The following USH2A variants were observed in gnomAD, a reference collection of about 807,000 sequenced individuals.
The protein encoded by USH2A is Usher syndrome 2A (autosomal recessive, mild).
USH2A carries 443 observed loss-of-function variants against 538.9 expected under a neutral mutation model. That is an observed-to-expected ratio of 0.82 (90% CI 0.76 to 0.89). The LOEUF (loss-of-function observed/expected upper bound fraction) is 0.89, where lower values mean the gene tolerates loss of function less well. Ranked by LOEUF, USH2A falls within the 40% of genes least tolerant of loss-of-function variation. The probability of loss-of-function intolerance (pLI) is 0.00; values close to 1 mark genes in which losing one functional copy is unlikely to be tolerated. For synonymous variants in USH2A, 2,413 were observed against 2,273.5 expected (o/e 1.06, Z -1.75); for missense variants, 6,633 against 6,324.8 (o/e 1.05, Z -1.65).
chr1:215,655,725 C>CTTTTTTTTTTGTTTTTTTTTTTTTTTTT (rs1657225195), intron 64 of USH2A, among the ~76,000 whole-genome samples: 1 of 96,172 alleles, frequency 1.0e-5, no homozygotes, highest in African/African-American at 3.9e-5. Context: ...GCTAGTTATT[C>CTTTTTTTTTTGTTTTTTTTTTTTTTTTT]TTTTTTTTTT....
chr1:215,877,763 A>G lies in USH2A; in HGVS notation c.8676T>C (p.Leu2892=), dbSNP rs2102450664. The part of the protein sequence containing the change: ...GTQWLYEDKG[L]SRFTTYEYML... The stretch of plus-strand genomic sequence containing the variant: ...TATAGTTTTTGTAATCTCACCTGCT[A>G]AGACCCTTATCTTCATAAAGCCACT... Residue 2892 remains leucine (L), a synonymous_variant, in exon 43 of 72, where the codon CTT becomes CTC. Coordinates refer to ENST00000307340, the MANE Select transcript of USH2A (RefSeq NM_206933.4). The G allele has an allele frequency of 1.2e-6, 2 of 1,613,724 alleles. No individual in the cohort carries two copies. The highest frequency in any genetic ancestry group is 1.7e-6 in the Non-Finnish European group (2 of 1,179,660).
intron 40 of USH2A, among the ~76,000 whole-genome samples, chr1:215,897,484 C>T (rs1345114439): frequency 1.3e-5 from 2 of 151,928 alleles, no homozygotes; most frequent in South Asian, 2.1e-4. Context: ...GTCAGGAGTT[C>T]GAGACCAGCC....
intron 3 of USH2A, among the ~76,000 whole-genome samples, chr1:216,380,177 C>A (rs2038902677): frequency 6.6e-6 from 1 of 151,976 alleles, no homozygotes; most frequent in African/African-American, 2.4e-5. Flanking sequence ...TTAGAAACAA[C>A]ATAAAAGAAG....
intron 61 of USH2A, among the ~76,000 whole-genome samples, chr1:215,693,118 A>ATGTG (rs1330054271): frequency 5.6e-5 from 6 of 107,074 alleles, no homozygotes; most frequent in African/African-American, 1.6e-4. Flanking sequence ...GTGTATGTGT[A>ATGTG]TATATATATA....
chr1:216,230,059 A>G (rs545122233), intron 14 of USH2A, among the ~76,000 whole-genome samples: 1 of 152,342 alleles, frequency 6.6e-6, no homozygotes, highest in South Asian at 2.1e-4. Flanking sequence ...GGGGATGAGT[A>G]GAACAAAAAT....
rs976260943 is a variant in USH2A at position 216,217,431 on chromosome 1, C to T, written c.3113G>A (p.Ser1038Asn). ...TGSKCDACVPSASHLDVNNLL... is the reference protein window; with the variant it reads ...TGSKCDACVPNASHLDVNNLL... ...ATTGTTGACATCCAAGTGGCTTGCA[C>T]TGGGAACACAAGCATCACACTTTGA... The change falls in exon 15 of 72, where the codon AGT becomes AAT. Residue 1038 changes from serine (S) to asparagine (N), a missense_variant. Coordinates refer to ENST00000307340, the MANE Select transcript of USH2A (RefSeq NM_206933.4). 3.7e-6 allele frequency: 6 copies of T among 1,613,246 alleles called. No homozygotes were observed. The highest frequency in any genetic ancestry group is 5.1e-6 in the Non-Finnish European group (6 of 1,179,472).
At chr1:215,989,683 T>G (rs1221570359) in intron 35 of USH2A, among the ~76,000 whole-genome samples, 3 of 151,920 alleles carry the variant, frequency 2.0e-5, no homozygotes, top group Non-Finnish European at 4.4e-5. Flanking sequence ...TGAGCAAGGT[T>G]TAAGGTGAAG....
intron 34 of USH2A, among the ~76,000 whole-genome samples, chr1:215,994,231 GT>G (rs1668081702): frequency 6.6e-6 from 1 of 152,084 alleles, no homozygotes; most frequent in Non-Finnish European, 1.5e-5. Flanking sequence ...TCATTTTTGT[GT>G]AAGACAGATA....
rs762491379 is a variant in USH2A, at chr1:215,674,703, C to A, written c.13208G>T (p.Gly4403Val). The A allele has an allele frequency of 6.2e-7, 1 of 1,614,046 alleles. No homozygotes were observed. The highest frequency in any genetic ancestry group is 1.3e-5 in the African/African-American group (1 of 75,038). Residue 4403 changes from glycine (G) to valine (V), a missense_variant, in exon 63 of 72, where the codon GGC becomes GTC. By Grantham distance (109) the Gly-to-Val change is moderately radical. Transcript: ENST00000307340. Reference protein sequence around the residue: ...YDNKESLAGQGLCLLVSHLQP... With the variant: ...YDNKESLAGQVLCLLVSHLQP... ...CAGGTGGGAAACCAGCAGGCACAGG[C>A]CCTGGCCAGCAAGGGACTCTTTATT...
rs542112959 is a variant in USH2A, at chr1:216,161,934, A to G, written c.4627+13318T>C. ...TCTTATTTTTGCTCCACTGAAGGTAATAAGTCTCCCCACCCTCCCCAGGTG... is the reference window on the plus strand; with the variant it reads ...TCTTATTTTTGCTCCACTGAAGGTAGTAAGTCTCCCCACCCTCCCCAGGTG... On this transcript the variant is annotated intron_variant, in intron 21 of 71. Coordinates refer to ENST00000307340, the MANE Select transcript of USH2A (RefSeq NM_206933.4). 3.3e-5 allele frequency among the ~76,000 whole-genome samples: 5 copies of G among 152,104 alleles called. No individual in the cohort carries two copies. The East Asian group carries it at 9.7e-4, about 29-fold the overall frequency.
intron 4 of USH2A, among the ~76,000 whole-genome samples, chr1:216,337,525 A>C (rs906185993): frequency 6.6e-6 from 1 of 151,446 alleles, no homozygotes; most frequent in Non-Finnish European, 1.5e-5. Flanking sequence ...CTAAACAATT[A>C]GGAATAGGTG....
chr1:216,045,275 C>T (rs12130077), intron 32 of USH2A, among the ~76,000 whole-genome samples: 58,859 of 151,942 alleles, frequency 0.39, 12,066 homozygotes, highest in Non-Finnish European at 0.47. Flanking sequence ...ATATGAAATA[C>T]AAAACCACTA....
intron 44 of USH2A, among the ~76,000 whole-genome samples, chr1:215,856,810 C>A (rs1485663086): frequency 6.7e-6 from 1 of 149,950 alleles, no homozygotes; most frequent in Non-Finnish European, 1.5e-5. Context: ...GCCCATCAAT[C>A]AATGAGTGGA....
At chr1:216,415,219 T>A (rs1307385557) in intron 3 of USH2A, among the ~76,000 whole-genome samples, 1 of 152,042 alleles carries the variant, frequency 6.6e-6, no homozygotes, top group Non-Finnish European at 1.5e-5. Flanking sequence ...TCCACTTACT[T>A]GTTTATGAAG....
intron 38 of USH2A, among the ~76,000 whole-genome samples, chr1:215,907,469 T>C (rs1187351699): frequency 6.6e-6 from 1 of 152,062 alleles, no homozygotes; most frequent in East Asian, 1.9e-4. Context: ...TCTTCTAGCC[T>C]TGTTAACTGA....
chr1:216,039,411 C>T (rs2030161308), intron 32 of USH2A, among the ~76,000 whole-genome samples: 1 of 151,902 alleles, frequency 6.6e-6, no homozygotes, highest in South Asian at 2.1e-4. Flanking sequence ...GGTATGACCT[C>T]GTTTGTAATA....
chr1:215,838,694 A>C (rs535759111), intron 46 of USH2A, among the ~76,000 whole-genome samples: 18 of 152,272 alleles, frequency 1.2e-4, no homozygotes, highest in African/African-American at 3.8e-4. Flanking sequence ...TCTGAATAAA[A>C]ACCGAGGAGG....
intron 11 of USH2A, among the ~76,000 whole-genome samples, chr1:216,264,480 TAG>T (rs2036434112): frequency 6.6e-6 from 1 of 152,084 alleles, no homozygotes; most frequent in Non-Finnish European, 1.5e-5. Context: ...GAATTTTTAG[TAG>T]AGACAGTCTT....
rs67957139 is a variant in USH2A, at chr1:216,323,276, T to TTATATA, written c.1550+192_1550+197dup. Among the ~76,000 whole-genome samples, 605 of 137,074 alleles carry TTATATA rather than the reference T, an allele frequency of 4.4e-3. 9 individuals carry two copies. The highest frequency in any genetic ancestry group is 0.014 in the African/African-American group (545 of 37,752). 89.9% of individuals were successfully genotyped at this position (137,074 alleles called of 152,430 possible). A position where few individuals can be genotyped will look rare whatever the true frequency, so the allele number is the denominator to read the frequency against. ...TATATATTTATTTATAAAATACGTT[T>TTATATA]TATATATATATATATATATATATAT... On this transcript the variant is annotated intron_variant, in intron 8 of 71. Transcript: ENST00000307340.
Sources: allele counts gnomAD v4.1 joint callset (sites outside exome capture counted in the v4.1 genomes callset), GRCh38; gene constraint gnomAD v4.1.1; transcripts MANE v1.5; gene names NCBI Gene and HGNC (gene_info 2026-07-23, HGNC 2026-07-21).